The following RAB9B variants were observed in gnomAD, a reference collection of about 807,000 sequenced individuals.
The protein encoded by RAB9B is RAB9B, member RAS oncogene family, also known as ras-related protein Rab-9B.
RAB9B carries 1 observed loss-of-function variant against 8.9 expected under a neutral mutation model. The ratio of observed to expected loss-of-function variants is 0.11; its 90% CI spans 0.04 to 0.53. The LOEUF is 0.53. Among genes scored for constraint, RAB9B ranks in the 20% least tolerant of loss-of-function variants. The pLI, the probability that RAB9B is intolerant of heterozygous loss-of-function variation, is 0.93. For missense variants in RAB9B, 82 were observed against 152.9 expected (o/e 0.54, Z 2.45); for synonymous variants, 63 against 57.0 (o/e 1.10, Z -0.47).
chrX:103,795,183 C>A, the RAB9B span, among the ~76,000 whole-genome samples: 1 of 110,069 alleles, frequency 9.1e-6, no homozygotes. Flanking sequence ...AGGCTAACAT[C>A]CTTCCACAGA....
At chrX:103,799,405 G>T in the RAB9B span, among the ~76,000 whole-genome samples, 8 of 111,286 alleles carry the variant, frequency 7.2e-5, no homozygotes, top group Non-Finnish European at 1.5e-4. Context: ...AATATTTATT[G>T]ATATTAGATA....
At chrX:103,786,061 G>A in the RAB9B span, 11 of 1,040,476 alleles carry the variant, frequency 1.1e-5, no homozygotes, top group South Asian at 1.2e-4. Context: ...AGCCTCCAGC[G>A]TAGTAGGTAT....
chrX:103,825,189 G>A lies in RAB9B; in HGVS notation c.596C>T (p.Ser199Leu), dbSNP rs761856500. The change falls in exon 3 of 3, where the codon TCG becomes TTG. Residue 199 changes from serine (S) to leucine (L), a missense_variant. Coordinates refer to ENST00000243298, the MANE Select transcript of RAB9B (RefSeq NM_016370.4). ...DLNSGSKAGS[S>L]CC ...AAAGGCTCCCTATCTTTAACAGCAC[G>A]AAGACCCTGCTTTGGAGCCACTGTT... The A allele has an allele frequency of 6.6e-6, 8 of 1,207,745 alleles. No homozygotes were observed. Among genetic ancestry groups the A allele is most frequent in the East Asian group, 5.9e-5 (2 of 33,761 alleles).
At chrX:103,800,128 G>A in the RAB9B span, among the ~76,000 whole-genome samples, 8 of 111,633 alleles carry the variant, frequency 7.2e-5, no homozygotes, top group Non-Finnish European at 1.3e-4. Context: ...TTTAAAAGCC[G>A]TCCTATGCAA....
At chrX:103,819,366 A>G (rs183450655), downstream of RAB9B, among the ~76,000 whole-genome samples, 1,094 of 111,669 alleles carry the variant, frequency 9.8e-3, 4 homozygotes, top group Non-Finnish European at 0.016. Context: ...AAAAATACAC[A>G]TGCTTGCACA....
At chrX:103,795,863 C>T in the RAB9B span, among the ~76,000 whole-genome samples, 2 of 111,668 alleles carry the variant, frequency 1.8e-5, no homozygotes, top group African/African-American at 6.5e-5. Flanking sequence ...AGAAAGTATA[C>T]ATATCAGCTT....
At chrX:103,803,328 A>G in the RAB9B span, among the ~76,000 whole-genome samples, 1 of 112,322 alleles carries the variant, frequency 8.9e-6, no homozygotes, top group East Asian at 2.8e-4. Context: ...CAATGTATGA[A>G]GGTTGTAATT....
chrX:103,785,912 C>A, the RAB9B span: 1 of 705,753 alleles, frequency 1.4e-6, no homozygotes, highest in Non-Finnish European at 2.2e-6. Context: ...CTGTGCAGAT[C>A]TCTCCTGCTC....
the RAB9B span, among the ~76,000 whole-genome samples, chrX:103,783,837 C>T: frequency 8.9e-6 from 1 of 111,953 alleles, no homozygotes; most frequent in East Asian, 2.8e-4. Context: ...GCTGTCACAA[C>T]CTGCTTATTC....
rs746992798 is a variant in RAB9B at position 103,823,170 on chromosome X, A to G, written c.*2009T>C. Reference sequence around the variant, plus strand: ...TCTCATGCACTTAAAAATAATTAGCATTTAACAGTTCTGACGTACAGATTT... The same window carrying G: ...TCTCATGCACTTAAAAATAATTAGCGTTTAACAGTTCTGACGTACAGATTT... On this transcript the variant is annotated 3_prime_UTR_variant, in exon 3 of 3. Coordinates refer to ENST00000243298, the MANE Select transcript of RAB9B (RefSeq NM_016370.4). The G allele has an allele frequency of 5.4e-5, 6 of 111,374 alleles. No individual in the cohort carries two copies. Among genetic ancestry groups the G allele is most frequent in the African/African-American group, 1.6e-4 (5 of 30,661 alleles). 9.2% of individuals were successfully genotyped at this position (111,374 alleles called of 1,213,427 possible).
chrX:103,821,712 CT>C (rs2074661503), downstream of RAB9B, among the ~76,000 whole-genome samples: 1 of 111,790 alleles, frequency 8.9e-6, no homozygotes, highest in Admixed American at 9.5e-5. Context: ...AATATGTCTA[CT>C]CTGTTTATAT....
the RAB9B span, among the ~76,000 whole-genome samples, chrX:103,794,505 T>C: frequency 9.0e-6 from 1 of 111,508 alleles, no homozygotes; most frequent in Admixed American, 9.6e-5. Context: ...TTTGTCTCTA[T>C]CCAGGCTAAG....
chrX:103,814,615 C>A, the RAB9B span, among the ~76,000 whole-genome samples: 1 of 110,507 alleles, frequency 9.0e-6, no homozygotes, highest in Non-Finnish European at 1.9e-5. Context: ...GATAGAGACA[C>A]AAAAAACCCT....
chrX:103,788,367 G>T, the RAB9B span: 3 of 769,278 alleles, frequency 3.9e-6, no homozygotes, highest in Admixed American at 6.6e-5. Flanking sequence ...GAAGGGCTCT[G>T]GGGGAAAGTC....
chrX:103,814,463 T>G, the RAB9B span, among the ~76,000 whole-genome samples: 1 of 111,671 alleles, frequency 9.0e-6, no homozygotes, highest in Admixed American at 9.5e-5. Context: ...TTTATAGCAC[T>G]AAATGTCCAC....
At chrX:103,820,882 C>T (rs192902355), downstream of RAB9B, among the ~76,000 whole-genome samples, 8 of 107,564 alleles carry the variant, frequency 7.4e-5, no homozygotes, top group African/African-American at 1.7e-4. Context: ...TCCGGGAGGC[C>T]GAGGTTGCAG....
At chrX:103,812,008 C>T in the RAB9B span, among the ~76,000 whole-genome samples, 2 of 107,995 alleles carry the variant, frequency 1.9e-5, no homozygotes, top group Non-Finnish European at 1.9e-5. Flanking sequence ...TTATGGAAAG[C>T]GGGGGCAAGG....
chrX:103,778,227 A>C, the RAB9B span, among the ~76,000 whole-genome samples: 1 of 112,655 alleles, frequency 8.9e-6, no homozygotes, highest in Non-Finnish European at 1.9e-5. Flanking sequence ...GTGAGAATCA[A>C]GTAACAATAA....
chrX:103,802,220 C>G, the RAB9B span, among the ~76,000 whole-genome samples: 9 of 85,278 alleles, frequency 1.1e-4, no homozygotes, highest in East Asian at 3.6e-4. Context: ...GAGAGAGAGA[C>G]AGAGAGAGAG....
Sources: gnomAD v4.1 joint callset for allele counts (sites outside exome capture counted in the v4.1 genomes callset) on GRCh38, gnomAD v4.1.1 for gene constraint, MANE v1.5 for transcripts, NCBI Gene and HGNC (gene_info 2026-07-23, HGNC 2026-07-21) for gene names.